Variants in TRPC4 observed in about 807,000 individuals in gnomAD.
TRPC4 encodes transient receptor potential cation channel subfamily C member 4, also known as short transient receptor potential channel 4.
TRPC4 carries 49 observed loss-of-function variants against 99.4 expected under a neutral mutation model. The observed-to-expected ratio is 0.49, with a 90% CI of 0.39 to 0.63. The LOEUF is 0.63. Among genes scored for constraint, TRPC4 ranks in the 20% least tolerant of loss-of-function variants. The probability of loss-of-function intolerance (pLI) is 0.00; values close to 1 mark genes in which losing one functional copy is unlikely to be tolerated. For synonymous variants in TRPC4, 454 were observed against 425.9 expected, an observed-to-expected ratio of 1.07 and a Z score of -0.81; for missense variants, 898 against 1,152.9, an observed-to-expected ratio of 0.78 and a Z score of 3.20.
chr13:37,640,498 G>T (rs909104381), intron 8 of TRPC4, among the ~76,000 whole-genome samples: 3 of 152,220 alleles, frequency 2.0e-5, no homozygotes, highest in African/African-American at 7.2e-5. Context: ...GGTTCCTAAA[G>T]GTCACTAATT....
intron 1 of TRPC4, among the ~76,000 whole-genome samples, chr13:37,813,074 G>C (rs955821529): frequency 9.9e-5 from 15 of 151,592 alleles, no homozygotes; most frequent in African/African-American, 3.6e-4. Flanking sequence ...AACCACAAAG[G>C]CATAAAATTA....
intron 1 of TRPC4, among the ~76,000 whole-genome samples, chr13:37,784,056 A>G (rs1566168900): frequency 6.6e-6 from 1 of 152,092 alleles, no homozygotes. Context: ...AATGTAAATT[A>G]ACAACATTAA....
At chr13:37,665,075 TTC>T (rs1333388491) in intron 5 of TRPC4, among the ~76,000 whole-genome samples, 6 of 152,212 alleles carry the variant, frequency 3.9e-5, no homozygotes, top group African/African-American at 1.2e-4. Flanking sequence ...TAAGATGTTT[TTC>T]TCTTTCATTA....
At chr13:37,745,177 A>G (rs1278040271) in intron 3 of TRPC4, among the ~76,000 whole-genome samples, 2 of 151,742 alleles carry the variant, frequency 1.3e-5, no homozygotes, top group Non-Finnish European at 2.9e-5. Context: ...ACCTGTGAGG[A>G]AAATGTTGTC....
At chr13:37,770,413 T>C (rs1228931214) in intron 2 of TRPC4, among the ~76,000 whole-genome samples, 2 of 151,600 alleles carry the variant, frequency 1.3e-5, no homozygotes, top group Non-Finnish European at 3.0e-5. Context: ...TTCTGCTTTT[T>C]GATTGAGAGA....
At chr13:37,683,097 C>G (rs1424200401) in intron 4 of TRPC4, among the ~76,000 whole-genome samples, 1 of 151,892 alleles carries the variant, frequency 6.6e-6, no homozygotes, top group Non-Finnish European at 1.5e-5. Context: ...AAAGGGAATA[C>G]CAGAAGGACA....
chr13:37,770,326 G>C (rs1956515230), intron 2 of TRPC4, among the ~76,000 whole-genome samples: 1 of 151,402 alleles, frequency 6.6e-6, no homozygotes, highest in Admixed American at 6.6e-5. Flanking sequence ...TTTGTATTAG[G>C]AGAATGGGGT....
At chr13:37,742,561 T>C (rs1047132216) in intron 3 of TRPC4, among the ~76,000 whole-genome samples, 7 of 151,800 alleles carry the variant, frequency 4.6e-5, no homozygotes, top group African/African-American at 1.7e-4. Context: ...TCCAAGAGAG[T>C]CTATGGAGGG....
chr13:37,863,712 C>T (rs1035239007), intron 1 of TRPC4, among the ~76,000 whole-genome samples: 12 of 151,700 alleles, frequency 7.9e-5, no homozygotes, highest in Non-Finnish European at 4.4e-5. Context: ...CTCTGTTCTT[C>T]ACTCCATGTA....
chr13:37,827,257 C>A (rs1258611883), intron 1 of TRPC4, among the ~76,000 whole-genome samples: 1 of 152,148 alleles, frequency 6.6e-6, no homozygotes, highest in Non-Finnish European at 1.5e-5. Context: ...TCGTCTGAAG[C>A]CTTCTTCTCT....
chr13:37,645,638 G>A (rs941413429), intron 8 of TRPC4, among the ~76,000 whole-genome samples: 5 of 152,142 alleles, frequency 3.3e-5, no homozygotes, highest in East Asian at 1.9e-4. Flanking sequence ...AGGGCATTCC[G>A]GGATGTGATC....
intron 1 of TRPC4, among the ~76,000 whole-genome samples, chr13:37,846,658 A>G (rs1157858239): frequency 6.7e-6 from 1 of 148,152 alleles, no homozygotes; most frequent in Admixed American, 6.7e-5. Flanking sequence ...AAAAAAAAAC[A>G]TATAAAATAA....
intron 1 of TRPC4, among the ~76,000 whole-genome samples, chr13:37,830,780 A>G (rs1017983604): frequency 1.9e-4 from 26 of 135,254 alleles, no homozygotes; most frequent in Non-Finnish European, 3.2e-4. Flanking sequence ...TAACATTTAT[A>G]TAATATATAG....
intron 1 of TRPC4, among the ~76,000 whole-genome samples, chr13:37,814,853 A>G (rs1172141672): frequency 1.3e-5 from 2 of 151,826 alleles, no homozygotes; most frequent in African/African-American, 2.4e-5. Context: ...TAGTTAATCC[A>G]AGGGAACCAG....
chr13:37,778,941 C>A (rs1956772212), intron 2 of TRPC4, among the ~76,000 whole-genome samples: 1 of 152,044 alleles, frequency 6.6e-6, no homozygotes, highest in Non-Finnish European at 1.5e-5. Flanking sequence ...TGTTGCTAGA[C>A]TGGCAGCATT....
chr13:37,747,479 T>C lies in TRPC4; in HGVS notation c.379-1024A>G, dbSNP rs142145128. Among the ~76,000 whole-genome samples, 52 of 152,206 alleles carry C rather than the reference T, an allele frequency of 3.4e-4. 1 individual carries two copies. The Middle Eastern group carries it at 0.01, about 30-fold the overall frequency. ...AGCCATAGAGGCATTTATGAAAAGTTAATGCTACATAAGGGCAGTTAAACA... is the reference window on the plus strand; with the variant it reads ...AGCCATAGAGGCATTTATGAAAAGTCAATGCTACATAAGGGCAGTTAAACA... On this transcript the variant is annotated intron_variant, in intron 2 of 10. Transcript: ENST00000379705.
In TRPC4 at chr13:37,734,457, C is replaced by T. The variant is rs138080190; in HGVS notation, c.897+11480G>A. 2.0e-5 allele frequency among the ~76,000 whole-genome samples: 3 copies of T among 152,194 alleles called. No individual in the cohort carries two copies. The East Asian group carries it at 5.8e-4, about 30-fold the overall frequency. On this transcript the variant is annotated intron_variant, in intron 3 of 10. Coordinates refer to ENST00000379705, the MANE Select transcript of TRPC4 (RefSeq NM_016179.4). ...GCGTTTAGAGACAGAGAGAAGATCT[C>T]TGTGGTGGGAGCTCCAATCCCCTCT...
chr13:37,774,120 T>C (rs1956636721), intron 2 of TRPC4, among the ~76,000 whole-genome samples: 1 of 151,638 alleles, frequency 6.6e-6, no homozygotes, highest in Non-Finnish European at 1.5e-5. Context: ...AAAAGGGATG[T>C]TGCAATTAAG....
chr13:37,753,530 A>C (rs1955995003), intron 2 of TRPC4, among the ~76,000 whole-genome samples: 1 of 151,130 alleles, frequency 6.6e-6, no homozygotes, highest in Non-Finnish European at 1.5e-5. Context: ...GCACCCTGCC[A>C]GACAGGAAAG....
Sources: gnomAD v4.1 joint callset for allele counts (sites outside exome capture counted in the v4.1 genomes callset) on GRCh38, gnomAD v4.1.1 for gene constraint, MANE v1.5 for transcripts, NCBI Gene and HGNC (gene_info 2026-07-23, HGNC 2026-07-21) for gene names.